Variants in SEMA3A observed in about 807,000 individuals in gnomAD.
SEMA3A encodes semaphorin-3A.
Under a neutral mutation model 97.9 loss-of-function variants are expected in SEMA3A, and 29 were observed. The observed-to-expected ratio is 0.30, with a 90% CI of 0.22 to 0.40. SEMA3A has a LOEUF of 0.40. SEMA3A is among the 10% of genes least tolerant of loss of function. The probability of loss-of-function intolerance (pLI) is 1.00; values close to 1 mark genes in which losing one functional copy is unlikely to be tolerated. For synonymous variants in SEMA3A, 321 were observed against 323.7 expected, an observed-to-expected ratio of 0.99 and a Z score of 0.09; for missense variants, 763 against 951.3, an observed-to-expected ratio of 0.80 and a Z score of 2.60.
intron 4 of SEMA3A, among the ~76,000 whole-genome samples, chr7:84,063,653 G>A (rs1425285223): frequency 2.0e-5 from 3 of 151,558 alleles, no homozygotes; most frequent in Admixed American, 6.6e-5. Context: ...GCGATCAACT[G>A]GAAGAAAGGG....
intron 3 of SEMA3A, among the ~76,000 whole-genome samples, chr7:84,231,229 G>A (rs1246903865): frequency 3.3e-5 from 5 of 151,988 alleles, no homozygotes; most frequent in Non-Finnish European, 5.9e-5. Context: ...CCTTCTGACT[G>A]TAGAGTGTGT....
At chr7:84,097,141 A>G (rs933987135) in intron 4 of SEMA3A, among the ~76,000 whole-genome samples, 2 of 152,132 alleles carry the variant, frequency 1.3e-5, no homozygotes, top group Admixed American at 6.6e-5. Context: ...ATGAGGTAAG[A>G]CAGTTATTAA....
intron 12 of SEMA3A, among the ~76,000 whole-genome samples, chr7:84,000,082 A>G (rs927615757): frequency 2.0e-5 from 3 of 152,148 alleles, no homozygotes; most frequent in South Asian, 2.1e-4. Flanking sequence ...TTTTGGCGAT[A>G]TAACAATAAA....
intron 1 of SEMA3A, among the ~76,000 whole-genome samples, chr7:84,148,288 G>T (rs1029742808): frequency 5.3e-5 from 8 of 151,728 alleles, no homozygotes; most frequent in Admixed American, 2.6e-4. Context: ...GGCATTCCTA[G>T]CTATGTCCTG....
rs183149872 is a variant in SEMA3A at position 84,403,865 on chromosome 7, A to G, written c.-245-31965T>C. 4.0e-3 allele frequency among the ~76,000 whole-genome samples: 603 copies of G among 152,274 alleles called. 8 individuals carry two copies. Among genetic ancestry groups the G allele is most frequent in the African/African-American group, 0.014 (586 of 41,568 alleles). On this transcript the variant is annotated intron_variant, in intron 1 of 3. Coordinates refer to the SEMA3A transcript ENST00000424555. Reference sequence around the variant, plus strand: ...GTTAGAAGGAAAACTAACAAACAGAAAGGACATCCACACCAAAAACCCATC... The same window carrying G: ...GTTAGAAGGAAAACTAACAAACAGAGAGGACATCCACACCAAAAACCCATC...
intron 12 of SEMA3A, among the ~76,000 whole-genome samples, chr7:83,990,902 C>A (rs1354407767): frequency 6.6e-6 from 1 of 151,880 alleles, no homozygotes; most frequent in Non-Finnish European, 1.5e-5. Context: ...CTGTAAATTA[C>A]CTTGGGCAGT....
At chr7:84,408,370 A>G (rs905083779) in intron 1 of SEMA3A, among the ~76,000 whole-genome samples, 20 of 151,920 alleles carry the variant, frequency 1.3e-4, no homozygotes, top group African/African-American at 4.4e-4. Context: ...TTAGAATGGC[A>G]ATCATTAAAA....
chr7:84,063,852 A>G (rs1335504627), intron 4 of SEMA3A, among the ~76,000 whole-genome samples: 1 of 149,894 alleles, frequency 6.7e-6, no homozygotes, highest in Non-Finnish European at 1.5e-5. Context: ...TCTGCAGGAT[A>G]TTATCCAGGA....
chr7:84,424,779 A>G (rs1158853088), intron 1 of SEMA3A, among the ~76,000 whole-genome samples: 4 of 101,190 alleles, frequency 4.0e-5, no homozygotes, highest in Non-Finnish European at 1.7e-5. Flanking sequence ...TAAATATATA[A>G]TATTTATATA....
chr7:83,987,770 T>C (rs954880033), intron 12 of SEMA3A, among the ~76,000 whole-genome samples: 9 of 151,126 alleles, frequency 6.0e-5, no homozygotes, highest in Non-Finnish European at 1.0e-4. Context: ...AAGATAAAGA[T>C]AGCCCTCTTA....
At chr7:84,307,959 AG>A (rs1801203267) in intron 2 of SEMA3A, among the ~76,000 whole-genome samples, 1 of 152,174 alleles carries the variant, frequency 6.6e-6, no homozygotes, top group Admixed American at 6.5e-5. Context: ...AAGAAAATAA[AG>A]ACAATTCAAA....
rs150457009 is a variant in SEMA3A at position 84,207,495 on chromosome 7, A to G, written c.-82-12827T>C. On this transcript the variant is annotated intron_variant, in intron 3 of 3. Coordinates refer to the SEMA3A transcript ENST00000424555. ...AAAACTGGTTAAAGACCATTTTCTT[A>G]CTTAAAATATAATTGCTTAAAAGGG... Among the ~76,000 whole-genome samples the G allele has an allele frequency of 1.5e-3, 224 of 152,344 alleles. 1 individual carries two copies. The highest frequency in any genetic ancestry group is 5.1e-3 in the African/African-American group (214 of 41,584).
chr7:84,127,438 A>G (rs1795832565), intron 3 of SEMA3A, among the ~76,000 whole-genome samples: 1 of 152,090 alleles, frequency 6.6e-6, no homozygotes, highest in African/African-American at 2.4e-5. Context: ...TTATCCTTGT[A>G]TTCAGCATAC....
chr7:84,356,590 T>C (rs990698705), intron 2 of SEMA3A, among the ~76,000 whole-genome samples: 1 of 151,760 alleles, frequency 6.6e-6, no homozygotes, highest in African/African-American at 2.4e-5. Context: ...TAAAACCGAA[T>C]CATTATGAAA....
intron 1 of SEMA3A, among the ~76,000 whole-genome samples, chr7:84,189,005 G>A (rs1309527963): frequency 6.6e-6 from 1 of 151,890 alleles, no homozygotes; most frequent in Non-Finnish European, 1.5e-5. Flanking sequence ...ATTAATGAAA[G>A]AGCTGTCACA....
At chr7:84,220,141 A>C (rs35006905) in intron 3 of SEMA3A, among the ~76,000 whole-genome samples, 7,131 of 152,302 alleles carry the variant, frequency 0.047, 174 homozygotes, top group Middle Eastern at 0.068. Context: ...TTGTTATTTC[A>C]ATAATGTTCA....
At chr7:84,080,292 T>C (rs528701948) in intron 4 of SEMA3A, among the ~76,000 whole-genome samples, 4 of 151,400 alleles carry the variant, frequency 2.6e-5, no homozygotes, top group Non-Finnish European at 4.4e-5. Flanking sequence ...ACATGGCACA[T>C]GTATACATAT....
At chr7:84,176,045 G>A (rs1376793350) in intron 1 of SEMA3A, among the ~76,000 whole-genome samples, 2 of 151,874 alleles carry the variant, frequency 1.3e-5, no homozygotes, top group Admixed American at 1.3e-4. Context: ...TGCAAATTCT[G>A]AATTAAAATG....
chr7:84,197,734 T>C (rs1203356240), upstream of SEMA3A, among the ~76,000 whole-genome samples: 2 of 102,554 alleles, frequency 2.0e-5, no homozygotes, highest in Non-Finnish European at 3.8e-5. Flanking sequence ...ATCACTCTTT[T>C]TTTTTTTTTT....
Sources: gnomAD v4.1 joint callset for allele counts (sites outside exome capture counted in the v4.1 genomes callset) on GRCh38, gnomAD v4.1.1 for gene constraint, MANE v1.5 for transcripts, NCBI Gene and HGNC (gene_info 2026-07-23, HGNC 2026-07-21) for gene names.